Variants in VSTM4 observed in about 807,000 individuals in gnomAD.
VSTM4 encodes V-set and transmembrane domain containing 4, also known as V-set and transmembrane domain-containing protein 4.
VSTM4 carries 20 observed loss-of-function variants against 36.4 expected under a neutral mutation model. That is an observed-to-expected ratio of 0.55 (90% confidence interval 0.39 to 0.80). The LOEUF is 0.80. VSTM4 is among the 30% of genes least tolerant of loss of function. The pLI, the probability that VSTM4 is intolerant of heterozygous loss-of-function variation, is 0.00. For synonymous variants in VSTM4, 182 were observed against 173.9 expected (o/e 1.05, Z -0.37); for missense variants, 392 against 404.5 (o/e 0.97, Z 0.26).
At chr10:49,021,525 T>C (rs138256459) in intron 7 of VSTM4, among the ~76,000 whole-genome samples, 48 of 152,286 alleles carry the variant, frequency 3.2e-4, no homozygotes, top group African/African-American at 1.1e-3. Context: ...TAATCAAGTT[T>C]CCACTAGCAA....
Position 49,077,074 on chromosome 10 carries a change from TG to T in VSTM4, c.634+144del. On this transcript the variant is annotated intron_variant, in intron 4 of 7. Transcript: ENST00000332853. ...AGCAGAGTCCAAGGGAAACACAGCT[TG>T]CTCACTTTGCCCACAGTCACAGGTA... 4 of 747,474 alleles carry T rather than the reference TG, an allele frequency of 5.4e-6. No individual in the cohort carries two copies. In the South Asian group the frequency reaches 6.8e-5, roughly 13 times the overall value. The allele number at this position is 747,474 out of a possible 1,614,324, so 46.3% of individuals were successfully genotyped here.
intron 2 of VSTM4, among the ~76,000 whole-genome samples, chr10:49,092,220 C>A (rs1410368688): frequency 6.6e-6 from 1 of 152,196 alleles, no homozygotes; most frequent in Middle Eastern, 3.2e-3. Flanking sequence ...CCAGGCATTG[C>A]CCCTGAGTTT....
chr10:49,086,049 A>C lies in VSTM4; in HGVS notation c.458-26T>G, dbSNP rs776950856. 29 of 1,511,680 alleles carry C rather than the reference A, an allele frequency of 1.9e-5. No individual in the cohort carries two copies. In the Middle Eastern group the frequency reaches 2.4e-3, roughly 127 times the overall value. 93.6% of individuals were successfully genotyped at this position (1,511,680 alleles called of 1,614,324 possible). ...CTGAAAGACAAAAAAGAAACAGCAC[A>C]GTATGAAAAAATAATGCCACATGGT... On this transcript the variant is annotated intron_variant, in intron 2 of 7. Coordinates refer to ENST00000332853, the MANE Select transcript of VSTM4 (RefSeq NM_001031746.5).
chr10:49,035,074 A>G (rs1843406899), intron 7 of VSTM4, among the ~76,000 whole-genome samples: 1 of 152,182 alleles, frequency 6.6e-6, no homozygotes, highest in Non-Finnish European at 1.5e-5. Flanking sequence ...AGCGTGCCCC[A>G]GAGTGGAGCC....
intron 4 of VSTM4, among the ~76,000 whole-genome samples, chr10:49,075,909 C>T (rs1844168505): frequency 6.6e-6 from 1 of 152,192 alleles, no homozygotes; most frequent in Non-Finnish European, 1.5e-5. Context: ...GTGTACCATC[C>T]TGGCTCCCTC....
intron 7 of VSTM4, 73 bp downstream of exon 7, chr10:49,046,910 A>C (rs973981922): frequency 7.0e-7 from 1 of 1,431,848 alleles, no homozygotes; most frequent in Non-Finnish European, 9.8e-7. Context: ...TGAGTTAATA[A>C]AGGCACTGTT....
intron 2 of VSTM4, among the ~76,000 whole-genome samples, chr10:49,094,343 A>G (rs1428091094): frequency 2.0e-5 from 3 of 152,196 alleles, no homozygotes; most frequent in Non-Finnish European, 4.4e-5. Context: ...TACAGAATGG[A>G]AGCAGAAAGT....
chr10:49,029,613 G>A (rs920465327), intron 7 of VSTM4, among the ~76,000 whole-genome samples: 3 of 152,222 alleles, frequency 2.0e-5, no homozygotes, highest in Non-Finnish European at 4.4e-5. Flanking sequence ...TGATGTGAAT[G>A]CCTTGTATCC....
chr10:49,090,991 T>G (rs1341677686), intron 2 of VSTM4, among the ~76,000 whole-genome samples: 4 of 134,810 alleles, frequency 3.0e-5, no homozygotes, highest in Non-Finnish European at 3.2e-5. Flanking sequence ...GTAGTCCCCA[T>G]GCTGGGGTGG....
chr10:49,055,048 A>T (rs1036748482), intron 5 of VSTM4, among the ~76,000 whole-genome samples: 6 of 152,174 alleles, frequency 3.9e-5, no homozygotes, highest in African/African-American at 1.4e-4. Flanking sequence ...CTGGGCACAA[A>T]GCTGTCTGTC....
At chr10:49,076,066 C>A (rs1342688888) in intron 4 of VSTM4, among the ~76,000 whole-genome samples, 1 of 152,152 alleles carries the variant, frequency 6.6e-6, no homozygotes, top group African/African-American at 2.4e-5. Context: ...GAAACAGCAT[C>A]CCATGGGTAC....
rs1266019306 is a variant in VSTM4 at position 49,016,388 on chromosome 10, CAGAT to C, written c.*3258_*3261del. 6.6e-6 allele frequency: 1 copy of C among 152,194 alleles called. No homozygotes were observed. Among genetic ancestry groups the C allele is most frequent in the African/African-American group, 2.4e-5 (1 of 41,442 alleles). 9.4% of individuals were successfully genotyped at this position (152,194 alleles called of 1,614,324 possible). On this transcript the variant is annotated 3_prime_UTR_variant, in exon 8 of 8. Coordinates refer to ENST00000332853, the MANE Select transcript of VSTM4 (RefSeq NM_001031746.5). ...CTCCACTAGGCAGGAGATGTGGCAA[CAGAT>C]AGATATGTGCCATTCCAGCTTCACT... is the stretch of plus-strand genomic sequence containing the variant.
At chr10:49,092,616 G>A (rs1844495791) in intron 2 of VSTM4, among the ~76,000 whole-genome samples, 1 of 152,188 alleles carries the variant, frequency 6.6e-6, no homozygotes, top group African/African-American at 2.4e-5. Flanking sequence ...CTGGGTAGAG[G>A]AGGGCGTGGT....
At chr10:49,095,493 CT>C (rs1447112236) in intron 2 of VSTM4, among the ~76,000 whole-genome samples, 1 of 152,190 alleles carries the variant, frequency 6.6e-6, no homozygotes. Flanking sequence ...CTGCCCACCC[CT>C]GTCCCCCAAC....
intron 3 of VSTM4, among the ~76,000 whole-genome samples, chr10:49,082,835 C>T (rs1844304545): frequency 6.6e-6 from 1 of 152,246 alleles, no homozygotes; most frequent in Non-Finnish European, 1.5e-5. Context: ...CTGCAAGCTG[C>T]CATGTAGAAA....
intron 4 of VSTM4, among the ~76,000 whole-genome samples, chr10:49,068,563 G>C (rs1265249788): frequency 6.6e-6 from 1 of 152,166 alleles, no homozygotes; most frequent in Non-Finnish European, 1.5e-5. Context: ...AGGATCAAAA[G>C]TGATTCTGGA....
At chr10:49,076,210 A>T (rs1432777719) in intron 4 of VSTM4, among the ~76,000 whole-genome samples, 1 of 152,166 alleles carries the variant, frequency 6.6e-6, no homozygotes, top group Non-Finnish European at 1.5e-5. Flanking sequence ...AAGCTCTATG[A>T]CCTTGAGCTA....
chr10:49,081,016 G>C (rs1385379900), intron 3 of VSTM4, among the ~76,000 whole-genome samples: 1 of 152,206 alleles, frequency 6.6e-6, no homozygotes, highest in African/African-American at 2.4e-5. Context: ...TTTAAACAGT[G>C]TGAAACTCAG....
chr10:49,078,885 G>A (rs1014521620), intron 3 of VSTM4, among the ~76,000 whole-genome samples: 10 of 152,294 alleles, frequency 6.6e-5, no homozygotes, highest in Admixed American at 4.6e-4. Flanking sequence ...AGGCTGGAGC[G>A]CAGTGGCATA....
Sources: gnomAD v4.1 joint callset for allele counts (sites outside exome capture counted in the v4.1 genomes callset) on GRCh38, gnomAD v4.1.1 for gene constraint, MANE v1.5 for transcripts, NCBI Gene and HGNC (gene_info 2026-07-23, HGNC 2026-07-21) for gene names.